Variants in PRICKLE2 observed in about 807,000 individuals in gnomAD.
PRICKLE2 encodes the protein prickle planar cell polarity protein 2.
PRICKLE2 carries 21 observed loss-of-function variants against 81.4 expected under a neutral mutation model. The observed-to-expected ratio is 0.26, with a 90% CI of 0.18 to 0.37. The LOEUF (loss-of-function observed/expected upper bound fraction) is 0.37. Ranked by LOEUF, PRICKLE2 falls within the 10% of genes least tolerant of loss-of-function variation. PRICKLE2 has a pLI of 1.00. For missense variants in PRICKLE2, 940 were observed against 1,109.0 expected, an observed-to-expected ratio of 0.85 and a Z score of 2.16; for synonymous variants, 456 against 421.5, an observed-to-expected ratio of 1.08 and a Z score of -1.00.
At chr3:64,142,313 CT>C (rs397936636) in intron 7 of PRICKLE2, among the ~76,000 whole-genome samples, 5,230 of 132,680 alleles carry the variant, frequency 0.039, 302 homozygotes, top group African/African-American at 0.13. Context: ...TTCTTTCTTT[CT>C]TTTTTTTTTT....
intron 7 of PRICKLE2, among the ~76,000 whole-genome samples, chr3:64,122,965 CTG>C (rs1336802608): frequency 6.6e-6 from 1 of 152,158 alleles, no homozygotes; most frequent in Non-Finnish European, 1.5e-5. Flanking sequence ...GTTCGCTGCT[CTG>C]TGAGCACTTA....
chr3:64,243,600 C>T (rs1206362186), intron 2 of PRICKLE2, among the ~76,000 whole-genome samples: 1 of 152,182 alleles, frequency 6.6e-6, no homozygotes, highest in African/African-American at 2.4e-5. Flanking sequence ...ATTATTCAAC[C>T]TCTTTGAGGC....
At chr3:64,199,894 G>C (rs190359191) in intron 1 of PRICKLE2, 1 of 152,258 alleles carries the variant, frequency 6.6e-6, no homozygotes, top group East Asian at 1.9e-4. Context: ...AAAATTATTA[G>C]TTTCCGTAGC....
At chr3:64,122,375 C>A (rs2106969771) in intron 7 of PRICKLE2, among the ~76,000 whole-genome samples, 1 of 152,294 alleles carries the variant, frequency 6.6e-6, no homozygotes, top group Admixed American at 6.5e-5. Flanking sequence ...GTCTGGGAAC[C>A]ACTGCTGTGT....
rs550808708 is a variant in PRICKLE2 at position 64,110,959 on chromosome 3, C to CAAAAAAAAAAA, written c.1661-11045_1661-11035dup. On this transcript the variant is annotated intron_variant, in intron 7 of 7. Transcript: ENST00000638394. ...CCTGGGAGACAGACAGACTCCATCT[C>CAAAAAAAAAAA]AAAAAAAAAAAAAAAAAAAAAAAAA... 6.3e-5 allele frequency among the ~76,000 whole-genome samples: 4 copies of CAAAAAAAAAAA among 63,866 alleles called. 1 individual carries two copies. The highest frequency in any genetic ancestry group is 1.5e-4 in the African/African-American group (2 of 12,962). The allele number at this position is 63,866 out of a possible 152,430, so 41.9% of individuals were successfully genotyped here.
chr3:64,134,472 A>G (rs2077246657), intron 7 of PRICKLE2, among the ~76,000 whole-genome samples: 1 of 152,090 alleles, frequency 6.6e-6, no homozygotes, highest in Non-Finnish European at 1.5e-5. Context: ...TGGCTTATGG[A>G]GCTGGATAAT....
At chr3:64,160,943 AAAACAAAAACAAAAACAAAC>A (rs1394501729) in intron 3 of PRICKLE2, among the ~76,000 whole-genome samples, 2 of 128,146 alleles carry the variant, frequency 1.6e-5, no homozygotes, top group Non-Finnish European at 3.4e-5. Context: ...ATCACCCGTA[AAAACAAAAACAAAAACAAAC>A]AAACAAACAA....
In PRICKLE2 at chr3:64,147,084, C is replaced by A. The variant is rs746640172; in HGVS notation, c.1406G>T (p.Arg469Leu). The change falls in exon 7 of 8, where the codon CGA becomes CTA. Residue 469 changes from arginine to leucine, a missense_variant. This residue lies in a region of PRICKLE2 where 670 missense variants were observed against 717.2 expected (regional missense o/e 0.93). Coordinates refer to ENST00000638394, the MANE Select transcript of PRICKLE2 (RefSeq NM_198859.4). The surrounding 1 kb of genome is among the most constrained non-coding windows in gnomAD (Gnocchi z 5.0). ...CAGCCTCCCCGGGTAATAGTCTTCT[C>A]GGCATTCCTTGATGAAGCTGCCAGC... ...GHAGSFIKEC[R>L]EDYYPGRLRS... 3 of 1,614,156 alleles carry A rather than the reference C, an allele frequency of 1.9e-6. No individual in the cohort carries two copies. Among genetic ancestry groups the A allele is most frequent in the Non-Finnish European group, 2.5e-6 (3 of 1,180,024 alleles).
At chr3:64,228,476 C>T (rs1042320475), upstream of PRICKLE2, among the ~76,000 whole-genome samples, 24 of 152,006 alleles carry the variant, frequency 1.6e-4, no homozygotes, top group African/African-American at 5.3e-4. Flanking sequence ...ATTACAAAAT[C>T]CACAGATTGT....
At chr3:64,189,621 T>C (rs2078296207) in intron 2 of PRICKLE2, among the ~76,000 whole-genome samples, 1 of 152,170 alleles carries the variant, frequency 6.6e-6, no homozygotes, top group African/African-American at 2.4e-5. Context: ...AATGGAGAAA[T>C]AGAAGATTTT....
chr3:64,122,723 T>G (rs767315622), intron 7 of PRICKLE2, among the ~76,000 whole-genome samples: 25 of 152,216 alleles, frequency 1.6e-4, no homozygotes, highest in Admixed American at 3.9e-4. Flanking sequence ...TCCAGGACAA[T>G]TTGTGTTACT....
chr3:64,192,863 C>A (rs1394138864), intron 2 of PRICKLE2, among the ~76,000 whole-genome samples: 1 of 152,166 alleles, frequency 6.6e-6, no homozygotes, highest in East Asian at 1.9e-4. Context: ...TATTTAAGTA[C>A]CCTCCATGAA....
At chr3:64,186,847 G>A (rs1337546369) in intron 2 of PRICKLE2, among the ~76,000 whole-genome samples, 1 of 152,172 alleles carries the variant, frequency 6.6e-6, no homozygotes, top group African/African-American at 2.4e-5. Flanking sequence ...TAAGGCAGAG[G>A]AGATCATCTT....
At chr3:64,179,101 A>G (rs891010462) in intron 2 of PRICKLE2, among the ~76,000 whole-genome samples, 1 of 139,678 alleles carries the variant, frequency 7.2e-6, no homozygotes, top group African/African-American at 2.7e-5. Flanking sequence ...TTTCAGACTG[A>G]GTTTCGCTCT....
intron 2 of PRICKLE2, among the ~76,000 whole-genome samples, chr3:64,192,142 T>C (rs2078354859): frequency 6.6e-6 from 1 of 152,228 alleles, no homozygotes; most frequent in Admixed American, 6.5e-5. Flanking sequence ...TAACCCTTTA[T>C]GTCGAAAATA....
At chr3:64,144,448 T>C (rs1483840695) in intron 7 of PRICKLE2, among the ~76,000 whole-genome samples, 1 of 152,244 alleles carries the variant, frequency 6.6e-6, no homozygotes, top group Admixed American at 6.5e-5. Context: ...AAGAGCTATA[T>C]AAAGGTTAGG....
intron 2 of PRICKLE2, among the ~76,000 whole-genome samples, chr3:64,193,168 G>A (rs1208207220): frequency 6.6e-6 from 1 of 152,216 alleles, no homozygotes; most frequent in Non-Finnish European, 1.5e-5. Context: ...AGCTGCTGCT[G>A]TCTTGTAATA....
chr3:64,140,848 A>G (rs1295433459), intron 7 of PRICKLE2, among the ~76,000 whole-genome samples: 1 of 152,154 alleles, frequency 6.6e-6, no homozygotes, highest in Non-Finnish European at 1.5e-5. Context: ...AGACAAATCA[A>G]CAAGCCAGCT....
intron 1 of PRICKLE2, among the ~76,000 whole-genome samples, chr3:64,222,131 T>C (rs1319254311): frequency 1.3e-5 from 2 of 152,210 alleles, no homozygotes; most frequent in African/African-American, 4.8e-5. Context: ...TTATAGCCGC[T>C]ATCTTCACAG....
Sources: gnomAD v4.1 joint callset for allele counts (sites outside exome capture counted in the v4.1 genomes callset) on GRCh38, gnomAD v4.1.1 for gene constraint, gnomAD v4.1.1 regional missense constraint, Gnocchi (gnomAD v3.1) non-coding constraint, MANE v1.5 for transcripts, NCBI Gene and HGNC (gene_info 2026-07-23, HGNC 2026-07-21) for gene names.